The following INPP4B variants were observed in gnomAD, a reference collection of about 807,000 sequenced individuals.
INPP4B encodes inositol polyphosphate 4-phosphatase type II.
In INPP4B, 55 loss-of-function variants were observed where a neutral mutation model predicts 122.5. That is an observed-to-expected ratio of 0.45 (90% CI 0.36 to 0.56). The LOEUF (loss-of-function observed/expected upper bound fraction) is 0.56, where lower values mean the gene tolerates loss of function less well. Ranked by LOEUF, INPP4B falls within the 20% of genes least tolerant of loss-of-function variation. INPP4B has a pLI of 0.00. For synonymous variants in INPP4B, 403 were observed against 388.7 expected (o/e 1.04, Z -0.43); for missense variants, 1,000 against 1,097.7 (o/e 0.91, Z 1.26).
intron 2 of INPP4B, among the ~76,000 whole-genome samples, chr4:142,573,176 C>G (rs755289987): frequency 6.6e-6 from 1 of 151,828 alleles, no homozygotes; most frequent in Non-Finnish European, 1.5e-5. Flanking sequence ...TGCCACATAC[C>G]TTTAAACAAC....
At chr4:142,177,956 A>G (rs1829089187) in intron 15 of INPP4B, among the ~76,000 whole-genome samples, 1 of 152,038 alleles carries the variant, frequency 6.6e-6, no homozygotes, top group Admixed American at 6.6e-5. Context: ...TTTTGTCTAT[A>G]TGTCCCTCCT....
chr4:142,252,347 C>T (rs1732683141), intron 11 of INPP4B, among the ~76,000 whole-genome samples: 1 of 151,588 alleles, frequency 6.6e-6, no homozygotes, highest in Admixed American at 6.6e-5. Flanking sequence ...CGCTACCACG[C>T]CCGGCTAATT....
At chr4:142,732,303 T>C (rs960099156) in intron 1 of INPP4B, among the ~76,000 whole-genome samples, 1 of 152,104 alleles carries the variant, frequency 6.6e-6, no homozygotes, top group Non-Finnish European at 1.5e-5. Context: ...AATCCAGCTT[T>C]TCTTTTCACT....
chr4:142,577,522 A>T (rs1311682289), intron 2 of INPP4B, among the ~76,000 whole-genome samples: 1 of 152,006 alleles, frequency 6.6e-6, no homozygotes, highest in Non-Finnish European at 1.5e-5. Context: ...AAAGAAGAAA[A>T]TAATTCATGG....
At chr4:142,717,375 A>G (rs1356361331) in intron 2 of INPP4B, among the ~76,000 whole-genome samples, 2 of 152,140 alleles carry the variant, frequency 1.3e-5, no homozygotes, top group East Asian at 1.9e-4. Context: ...TTTCTTTCCC[A>G]GTTTTGCAGA....
chr4:142,115,686 G>T (rs947165533), intron 21 of INPP4B, among the ~76,000 whole-genome samples: 1 of 152,096 alleles, frequency 6.6e-6, no homozygotes, highest in African/African-American at 2.4e-5. Flanking sequence ...AGGAACAACT[G>T]GTAGCAGCCC....
chr4:142,284,955 A>G (rs548103396), intron 9 of INPP4B, among the ~76,000 whole-genome samples: 11 of 152,218 alleles, frequency 7.2e-5, no homozygotes, highest in Admixed American at 2.6e-4. Flanking sequence ...ATAGCGGGGC[A>G]CAGGAGTTGA....
chr4:142,627,647 C>T (rs1230641005), intron 2 of INPP4B, among the ~76,000 whole-genome samples: 12 of 147,910 alleles, frequency 8.1e-5, no homozygotes, highest in Admixed American at 2.7e-4. Context: ...CTGCTGGATT[C>T]GGTTTGCCAG....
intron 25 of INPP4B, among the ~76,000 whole-genome samples, chr4:142,070,282 G>A (rs1487168721): frequency 2.0e-5 from 3 of 151,936 alleles, no homozygotes; most frequent in African/African-American, 7.3e-5. Flanking sequence ...GACAAAATTC[G>A]ACAGCCTTTC....
intron 23 of INPP4B, among the ~76,000 whole-genome samples, chr4:142,096,663 AG>A (rs1781950971): frequency 6.6e-6 from 1 of 152,194 alleles, no homozygotes; most frequent in African/African-American, 2.4e-5. Flanking sequence ...ATGCTAAAAA[AG>A]CATTAAAAAC....
intron 2 of INPP4B, among the ~76,000 whole-genome samples, chr4:142,489,822 A>T (rs1030120412): frequency 3.9e-5 from 6 of 152,178 alleles, no homozygotes; most frequent in African/African-American, 1.4e-4. Flanking sequence ...ATTAGAGTAC[A>T]TTCAAATGTA....
In INPP4B at chr4:142,260,031, C is replaced by T. The variant is rs1017544928; in HGVS notation, c.688+461G>A. 9.2e-5 allele frequency among the ~76,000 whole-genome samples: 14 copies of T among 152,212 alleles called. 1 individual carries two copies. Among genetic ancestry groups the T allele is most frequent in the Admixed American group, 5.9e-4 (9 of 15,278 alleles). On this transcript the variant is annotated intron_variant, in intron 11 of 25. Coordinates refer to ENST00000262992, the MANE Select transcript of INPP4B (RefSeq NM_001101669.3). ...GATGGAGTATCACTCTGTCTCCAAG[C>T]TGGAGTGCAGTGGCGCGATCTCGGC...
chr4:142,066,848 C>G (rs907658368), intron 25 of INPP4B, among the ~76,000 whole-genome samples: 1 of 152,208 alleles, frequency 6.6e-6, no homozygotes, highest in Non-Finnish European at 1.5e-5. Context: ...ATGGAGCCCA[C>G]CACAGCTCAA....
At chr4:142,368,541 C>T (rs1391000139) in intron 7 of INPP4B, among the ~76,000 whole-genome samples, 3 of 152,002 alleles carry the variant, frequency 2.0e-5, no homozygotes, top group Admixed American at 1.3e-4. Flanking sequence ...ATTTGAGGCA[C>T]ACCGAAGCTA....
At chr4:142,212,985 C>T (rs768526142) in intron 12 of INPP4B, among the ~76,000 whole-genome samples, 2 of 152,076 alleles carry the variant, frequency 1.3e-5, no homozygotes, top group Admixed American at 6.6e-5. Flanking sequence ...AATATTATTC[C>T]ACTGTACCAT....
At chr4:142,308,851 G>A (rs896698118) in intron 8 of INPP4B, among the ~76,000 whole-genome samples, 1 of 152,098 alleles carries the variant, frequency 6.6e-6, no homozygotes, top group African/African-American at 2.4e-5. Context: ...GGAGCTCAGA[G>A]GTCTGAAGTG....
chr4:142,624,787 T>C (rs1475583574), intron 2 of INPP4B, among the ~76,000 whole-genome samples: 2 of 152,126 alleles, frequency 1.3e-5, no homozygotes, highest in African/African-American at 2.4e-5. Flanking sequence ...TCCAACATGA[T>C]CAAGTGGGCT....
intron 7 of INPP4B, among the ~76,000 whole-genome samples, chr4:142,334,891 G>T (rs555594787): frequency 7.2e-5 from 11 of 151,884 alleles, no homozygotes; most frequent in African/African-American, 2.7e-4. Context: ...TACATGGTTT[G>T]CAAATATTTT....
intron 5 of INPP4B, among the ~76,000 whole-genome samples, chr4:142,420,299 C>T (rs1304864141): frequency 6.6e-6 from 1 of 151,964 alleles, no homozygotes; most frequent in Admixed American, 6.6e-5. Context: ...AACAACAGTT[C>T]AGTTAAATGA....
Sources: gnomAD v4.1 joint callset for allele counts (sites outside exome capture counted in the v4.1 genomes callset) on GRCh38, gnomAD v4.1.1 for gene constraint, MANE v1.5 for transcripts, NCBI Gene and HGNC (gene_info 2026-07-23, HGNC 2026-07-21) for gene names.